ATP11B: variants seen among roughly 807,000 people sequenced by gnomAD.
The protein encoded by ATP11B is phospholipid-transporting ATPase IF.
ATP11B carries 81 observed loss-of-function variants against 157.8 expected under a neutral mutation model. The observed-to-expected ratio is 0.51, with a 90% CI of 0.43 to 0.62. ATP11B has a LOEUF of 0.62. Ranked by LOEUF, ATP11B falls within the 20% of genes least tolerant of loss-of-function variation. The probability of loss-of-function intolerance (pLI) is 0.00; values close to 1 mark genes in which losing one functional copy is unlikely to be tolerated. For missense variants in ATP11B, 1,165 were observed against 1,402.2 expected, an observed-to-expected ratio of 0.83 and a Z score of 2.70; for synonymous variants, 451 against 469.4, an observed-to-expected ratio of 0.96 and a Z score of 0.51.
In ATP11B at chr3:182,880,988, G is replaced by A; in HGVS notation, c.2509+7G>A. ...GAAGCCCATGTTGGCATAGGTGATT[G>A]ATTCTTCCTGAAAAGTTTTTCCTGA... is the stretch of plus-strand genomic sequence containing the variant. On this transcript the variant is annotated splice_region_variant and intron_variant, in intron 21 of 29. Coordinates refer to ENST00000323116, the MANE Select transcript of ATP11B (RefSeq NM_014616.3). The A allele has an allele frequency of 6.4e-7, 1 of 1,566,136 alleles. No individual in the cohort carries two copies. Among genetic ancestry groups the A allele is most frequent in the South Asian group, 1.2e-5 (1 of 83,252 alleles).
At chr3:182,802,554 G>A (rs1243558061) in intron 1 of ATP11B, among the ~76,000 whole-genome samples, 2 of 152,106 alleles carry the variant, frequency 1.3e-5, no homozygotes, top group African/African-American at 2.4e-5. Context: ...TGTCCTGACT[G>A]TTACTACCTC....
chr3:182,917,249 A>G, intron 29 of ATP11B: 1 of 985,382 alleles, frequency 1.0e-6, no homozygotes, highest in Non-Finnish European at 1.2e-6. Flanking sequence ...TTAGTCTCAT[A>G]AGAAAAGCAG....
At chr3:182,804,102 A>G (rs1716173342) in intron 1 of ATP11B, among the ~76,000 whole-genome samples, 4 of 151,928 alleles carry the variant, frequency 2.6e-5, no homozygotes. Flanking sequence ...ATTGAAGTTA[A>G]GTTTCTTCAT....
In ATP11B at chr3:182,842,110, A is replaced by G; in HGVS notation, c.692A>G (p.Glu231Gly). Residue 231 changes from glutamate to glycine, a missense_variant, in exon 8 of 30, where the codon GAA (glutamate) becomes GGA (glycine). By Grantham distance (98) the Glu-to-Gly change is moderately conservative. Transcript: ENST00000323116. ...CGAATGATCATAACCCAACAAATGG[A>G]AGAAATTGTAAGGTAAGAATTAATT... ...MGRMIITQQM[E>G]EIVRPLGPES... 1.9e-6 allele frequency: 3 copies of G among 1,603,928 alleles called. No homozygotes were observed. Among genetic ancestry groups the G allele is most frequent in the Non-Finnish European group, 2.6e-6 (3 of 1,171,774 alleles).
intron 4 of ATP11B, among the ~76,000 whole-genome samples, chr3:182,831,809 T>C (rs1326080756): frequency 6.6e-6 from 1 of 152,208 alleles, no homozygotes; most frequent in Non-Finnish European, 1.5e-5. Context: ...TATTCTTTTG[T>C]TCTATTGATA....
At chr3:182,807,937 T>C (rs1716427939) in intron 1 of ATP11B, among the ~76,000 whole-genome samples, 1 of 152,198 alleles carries the variant, frequency 6.6e-6, no homozygotes, top group African/African-American at 2.4e-5. Context: ...AAATACTAAG[T>C]GGCTTGATAT....
chr3:182,863,347 C>G (rs536921194), intron 12 of ATP11B, among the ~76,000 whole-genome samples: 5 of 152,100 alleles, frequency 3.3e-5, no homozygotes, highest in African/African-American at 1.2e-4. Flanking sequence ...TTCCAATCTG[C>G]CTTTGACCTT....
At chr3:182,835,201 A>C (rs998841076) in intron 4 of ATP11B, among the ~76,000 whole-genome samples, 1 of 152,082 alleles carries the variant, frequency 6.6e-6, no homozygotes, top group African/African-American at 2.4e-5. Context: ...TTTAGTGAAA[A>C]CAATCCGTGT....
rs36119278 is a variant in ATP11B at position 182,889,491 on chromosome 3, CT to C, written c.2931del (p.Phe977LeufsTer6). ...ILGFSHAFIFFFGSYLLIGKD... is the reference protein window; with the variant it reads ...ILGFSHAFIFXFGSYLLIGKD... ...TGGGCTTCAGTCATGCCTTTATTTT[CT>C]TTTTTGGATCCTATTTACTAATAGG... On this transcript the variant is annotated frameshift_variant, in exon 25 of 30. Transcript: ENST00000323116. LOFTEE classifies it high-confidence loss of function. 2 of 1,570,424 alleles carry C rather than the reference CT, an allele frequency of 1.3e-6. No homozygotes were observed. Among genetic ancestry groups the C allele is most frequent in the Admixed American group, 2.0e-5 (1 of 49,664 alleles).
chr3:182,852,091 CAAT>C (rs1199986961), intron 10 of ATP11B, among the ~76,000 whole-genome samples: 1 of 152,076 alleles, frequency 6.6e-6, no homozygotes, highest in Non-Finnish European at 1.5e-5. Flanking sequence ...TGTTCTTTGA[CAAT>C]GAGGGAATTG....
intron 28 of ATP11B, among the ~76,000 whole-genome samples, chr3:182,900,409 A>T (rs1432599065): frequency 6.6e-6 from 1 of 152,236 alleles, no homozygotes; most frequent in Non-Finnish European, 1.5e-5. Flanking sequence ...TTATCATTAT[A>T]AGTAAAATGA....
intron 1 of ATP11B, among the ~76,000 whole-genome samples, chr3:182,799,212 A>T (rs1013495432): frequency 2.4e-4 from 37 of 152,126 alleles, no homozygotes; most frequent in African/African-American, 8.7e-4. Context: ...GTGGGGTTCT[A>T]GATTTAGCCA....
In ATP11B at chr3:182,866,333, T is replaced by C; in HGVS notation, c.1509T>C (p.Val503=). 1.9e-6 allele frequency: 3 copies of C among 1,613,936 alleles called. No homozygotes were observed. The highest frequency in any genetic ancestry group is 1.3e-5 in the African/African-American group (1 of 75,066). Residue 503 remains valine, a synonymous_variant, in exon 14 of 30, where the codon GTT becomes GTC. Coordinates refer to ENST00000323116, the MANE Select transcript of ATP11B (RefSeq NM_014616.3). ...GTCACACTGTACAGATTAGCAATGT[T>C]CAAACTGACTGCACTGGTGATGGTC... ...SLCHTVQISN[V]QTDCTGDGPW...
At chr3:182,907,078 G>A (rs982088484) in intron 28 of ATP11B, among the ~76,000 whole-genome samples, 3 of 144,386 alleles carry the variant, frequency 2.1e-5, no homozygotes, top group African/African-American at 8.1e-5. Context: ...GAGCGACAGA[G>A]TGAGACTCCG....
At chr3:182,833,981 T>A (rs530394743) in intron 4 of ATP11B, 7 of 152,320 alleles carry the variant, frequency 4.6e-5, no homozygotes, top group Admixed American at 3.9e-4. Context: ...TTGTAAGCAT[T>A]GAGAATCACT....
intron 29 of ATP11B, chr3:182,916,724 A>T: frequency 3.0e-6 from 3 of 984,340 alleles, no homozygotes; most frequent in Non-Finnish European, 3.6e-6. Context: ...TTGAAAAAAA[A>T]TTTAAAATGA....
intron 25 of ATP11B, among the ~76,000 whole-genome samples, chr3:182,894,429 G>A (rs1399755649): frequency 5.3e-5 from 8 of 151,936 alleles, no homozygotes; most frequent in African/African-American, 1.7e-4. Flanking sequence ...CAGGTGATCC[G>A]CCTGCCTCGG....
intron 2 of ATP11B, among the ~76,000 whole-genome samples, chr3:182,827,301 T>C (rs966721248): frequency 2.6e-5 from 4 of 152,150 alleles, no homozygotes; most frequent in Non-Finnish European, 2.9e-5. Context: ...ATAAGCACTT[T>C]TATAGCAATT....
At position 182,793,675 on chromosome 3, in the gene ATP11B, C is replaced by A; in HGVS notation, c.-85C>A. ...CGGAACTTCGGCCCGAGGGGCTCGC[C>A]CGCTCCCGCCTCTGTCTTGTCGGCC... On this transcript the variant is annotated 5_prime_UTR_variant, in exon 1 of 30. Transcript: ENST00000323116. 1 of 929,772 alleles carries A rather than the reference C, an allele frequency of 1.1e-6. No individual in the cohort carries two copies. The highest frequency in any genetic ancestry group is 1.5e-6 in the Non-Finnish European group (1 of 661,442). 57.6% of individuals were successfully genotyped at this position (929,772 alleles called of 1,614,324 possible). A position where few individuals can be genotyped will look rare whatever the true frequency, so the allele number is the denominator to read the frequency against.
Sources: gnomAD v4.1 joint callset for allele counts (sites outside exome capture counted in the v4.1 genomes callset) on GRCh38, gnomAD v4.1.1 for gene constraint, MANE v1.5 for transcripts, NCBI Gene and HGNC (gene_info 2026-07-23, HGNC 2026-07-21) for gene names.